GDPD4: variants seen among roughly 807,000 people sequenced by gnomAD.
GDPD4 encodes glycerophosphodiester phosphodiesterase 6.
In GDPD4, 60 loss-of-function variants were observed where a neutral mutation model predicts 67.8. The ratio of observed to expected loss-of-function variants is 0.88; its 90% CI spans 0.72 to 1.10. GDPD4 has a LOEUF of 1.10. GDPD4 is among the 50% of genes least tolerant of loss of function. GDPD4 has a pLI of 0.00. For synonymous variants in GDPD4, 212 were observed against 210.9 expected (o/e 1.00, Z -0.04); for missense variants, 623 against 613.9 (o/e 1.01, Z -0.16).
chr11:77,297,071 A>C (rs900155667), intron 1 of GDPD4, among the ~76,000 whole-genome samples: 3 of 147,756 alleles, frequency 2.0e-5, no homozygotes, highest in African/African-American at 2.7e-5. Flanking sequence ...AAAAAAAAAA[A>C]AACAAAAAAA....
chr11:77,228,324 C>T (rs1958382385), intron 15 of GDPD4, among the ~76,000 whole-genome samples: 1 of 151,184 alleles, frequency 6.6e-6, no homozygotes, highest in Non-Finnish European at 1.5e-5. Context: ...TGGTGAAACC[C>T]CACCTCTACT....
At chr11:77,295,562 T>C (rs891133099) in intron 1 of GDPD4, among the ~76,000 whole-genome samples, 5 of 151,820 alleles carry the variant, frequency 3.3e-5, no homozygotes, top group Middle Eastern at 6.8e-3. Flanking sequence ...AGCTGGGAGG[T>C]TGAGGCTGCA....
chr11:77,268,375 A>T, intron 10 of GDPD4, 82 bp downstream of exon 10: 1 of 921,932 alleles, frequency 1.1e-6, no homozygotes, highest in Non-Finnish European at 1.8e-6. Flanking sequence ...TGCTGTCTCT[A>T]CAACCTCAGG....
chr11:77,274,643 C>A (rs187621685), intron 5 of GDPD4, among the ~76,000 whole-genome samples: 223 of 152,300 alleles, frequency 1.5e-3, no homozygotes, highest in Non-Finnish European at 2.0e-3. Flanking sequence ...AACCATGAGA[C>A]AAAATAGACC....
chr11:77,237,869 C>G (rs76470233), intron 13 of GDPD4, among the ~76,000 whole-genome samples: 11,357 of 152,062 alleles, frequency 0.075, 632 homozygotes, highest in Admixed American at 0.17. Flanking sequence ...TGCAGTGAGC[C>G]GAGATCACGC....
At chr11:77,225,145 A>T (rs2135822287) in intron 16 of GDPD4, among the ~76,000 whole-genome samples, 1 of 152,158 alleles carries the variant, frequency 6.6e-6, no homozygotes, top group East Asian at 1.9e-4. Context: ...CAGCAATAGA[A>T]TCTATCCAAA....
At chr11:77,296,242 C>T (rs1378618611) in intron 1 of GDPD4, among the ~76,000 whole-genome samples, 1 of 89,324 alleles carries the variant, frequency 1.1e-5, no homozygotes, top group Non-Finnish European at 2.0e-5. Flanking sequence ...CAGAGCAAGA[C>T]TTCGTCTCAA....
chr11:77,273,729 C>G (rs190413695), intron 5 of GDPD4, among the ~76,000 whole-genome samples: 6 of 152,232 alleles, frequency 3.9e-5, no homozygotes, highest in South Asian at 2.1e-4. Context: ...GTAGCCTATG[C>G]TCAATGAAAT....
intron 11 of GDPD4, among the ~76,000 whole-genome samples, chr11:77,248,234 G>A (rs1486515516): frequency 2.1e-5 from 3 of 144,800 alleles, no homozygotes; most frequent in Non-Finnish European, 4.5e-5. Context: ...ACGGAGTCCT[G>A]TTCTGTCGCC....
Position 77,232,971 on chromosome 11 carries a change from G to A in GDPD4, c.1389+54C>T. 17 of 1,574,246 alleles carry A rather than the reference G, an allele frequency of 1.1e-5. 1 individual carries two copies. The highest frequency in any genetic ancestry group is 1.7e-4 in the Middle Eastern group (1 of 5,918). On this transcript the variant is annotated intron_variant, in intron 14 of 16. Coordinates refer to ENST00000315938, the MANE Select transcript of GDPD4 (RefSeq NM_182833.3). ...ACAGTGGGCAACACAGGGCTGGGGG[G>A]CCTGCACTGCTATCATACCAAGCCT...
intron 13 of GDPD4, among the ~76,000 whole-genome samples, chr11:77,235,737 T>A (rs900436369): frequency 2.6e-5 from 4 of 152,152 alleles, no homozygotes; most frequent in African/African-American, 9.7e-5. Flanking sequence ...GGAGGATGGC[T>A]TGAGGCCAGG....
intron 1 of GDPD4, among the ~76,000 whole-genome samples, chr11:77,291,405 A>G (rs115360266): frequency 0.014 from 2,132 of 152,322 alleles, 51 homozygotes; most frequent in African/African-American, 0.049. Context: ...AGGTAGGTTA[A>G]TAAGTACAAA....
chr11:77,262,706 T>C (rs1166505273), intron 10 of GDPD4, among the ~76,000 whole-genome samples: 5 of 152,086 alleles, frequency 3.3e-5, no homozygotes, highest in Admixed American at 3.3e-4. Flanking sequence ...GACTTTACCC[T>C]GTACTCTTTG....
At chr11:77,290,948 AAAC>A (rs1003852944) in intron 1 of GDPD4, among the ~76,000 whole-genome samples, 1 of 152,240 alleles carries the variant, frequency 6.6e-6, no homozygotes, top group Non-Finnish European at 1.5e-5. Context: ...AGCCCATAAA[AAAC>A]AATATGGAGA....
intron 3 of GDPD4, among the ~76,000 whole-genome samples, chr11:77,280,301 T>G (rs1028993579): frequency 6.6e-6 from 1 of 151,806 alleles, no homozygotes; most frequent in Non-Finnish European, 1.5e-5. Context: ...AGCCACAAAA[T>G]AAATATATTT....
At chr11:77,267,559 A>C (rs935093684) in intron 10 of GDPD4, among the ~76,000 whole-genome samples, 1 of 152,234 alleles carries the variant, frequency 6.6e-6, no homozygotes, top group South Asian at 2.1e-4. Flanking sequence ...GCAGTTGAAC[A>C]TCTTCTCATG....
chr11:77,270,795 T>C (rs1203381813), intron 7 of GDPD4: 2 of 223,718 alleles, frequency 8.9e-6, no homozygotes, highest in Non-Finnish European at 1.7e-5. Flanking sequence ...ACCAGCACTT[T>C]GGTCAAGTAA....
chr11:77,221,741 A>G (rs1958229047), intron 16 of GDPD4, among the ~76,000 whole-genome samples: 1 of 152,166 alleles, frequency 6.6e-6, no homozygotes, highest in Admixed American at 6.5e-5. Context: ...GTAGCTGTCT[A>G]TTAGGTCCGC....
At chr11:77,225,291 ACT>A (rs1336605781) in intron 16 of GDPD4, among the ~76,000 whole-genome samples, 3 of 145,288 alleles carry the variant, frequency 2.1e-5, no homozygotes, top group Admixed American at 1.4e-4. Context: ...ACAGAGCAAG[ACT>A]CTGTCTCAAA....
Sources: gnomAD v4.1 joint callset for allele counts (sites outside exome capture counted in the v4.1 genomes callset) on GRCh38, gnomAD v4.1.1 for gene constraint, MANE v1.5 for transcripts, NCBI Gene and HGNC (gene_info 2026-07-23, HGNC 2026-07-21) for gene names.